The following ADGRL4 variants were observed in gnomAD, a reference collection of about 807,000 sequenced individuals.
ADGRL4 encodes the protein adhesion G protein-coupled receptor L4, also known as EGF, latrophilin and seven transmembrane domain containing 1.
In ADGRL4, 90 loss-of-function variants were observed where a neutral mutation model predicts 74.8. The observed-to-expected ratio is 1.20, with a 90% CI of 1.02 to 1.43. The LOEUF (loss-of-function observed/expected upper bound fraction) is 1.43. Among genes scored for constraint, ADGRL4 ranks in the 40% most tolerant of loss-of-function variants. The pLI, the probability that ADGRL4 is intolerant of heterozygous loss-of-function variation, is 0.00. For synonymous variants in ADGRL4, 311 were observed against 279.2 expected (o/e 1.11, Z -1.14); for missense variants, 881 against 814.3 (o/e 1.08, Z -1.00).
At chr1:78,946,120 T>C (rs1649595469) in intron 3 of ADGRL4, among the ~76,000 whole-genome samples, 154 bp downstream of exon 3, 1 of 152,156 alleles carries the variant, frequency 6.6e-6, no homozygotes, top group Admixed American at 6.6e-5. Context: ...TTTAAAACAC[T>C]GGAGAAATAA....
intron 2 of ADGRL4, among the ~76,000 whole-genome samples, chr1:78,991,762 A>G (rs562604766): frequency 4.0e-4 from 61 of 152,112 alleles, no homozygotes; most frequent in African/African-American, 1.4e-3. Context: ...TTGCTATTCA[A>G]TAGAAGGAGA....
intron 2 of ADGRL4, among the ~76,000 whole-genome samples, chr1:78,978,884 C>T (rs1313793810): frequency 6.6e-6 from 1 of 151,792 alleles, no homozygotes; most frequent in Non-Finnish European, 1.5e-5. Context: ...CTTCTTTGTC[C>T]TAACATCCTA....
chr1:78,914,454 T>G (rs1648828542), intron 12 of ADGRL4, among the ~76,000 whole-genome samples: 1 of 151,842 alleles, frequency 6.6e-6, no homozygotes, highest in Non-Finnish European at 1.5e-5. Context: ...AGCAGGATAT[T>G]CTAAAGCATA....
intron 2 of ADGRL4, among the ~76,000 whole-genome samples, chr1:78,954,149 AAAAT>A (rs562969021): frequency 3.0e-4 from 44 of 145,798 alleles, no homozygotes; most frequent in African/African-American, 1.0e-3. Context: ...TCCATTTCAG[AAAAT>A]AAATAAATAA....
At chr1:78,993,074 G>C (rs908211141) in intron 2 of ADGRL4, among the ~76,000 whole-genome samples, 1 of 152,004 alleles carries the variant, frequency 6.6e-6, no homozygotes, top group Non-Finnish European at 1.5e-5. Context: ...CTAGAAGAAA[G>C]TAACACTTAA....
At chr1:78,939,669 T>C (rs1444556872) in intron 3 of ADGRL4, 1 of 153,092 alleles carries the variant, frequency 6.5e-6, no homozygotes, top group African/African-American at 2.4e-5. Context: ...AGCGCCATCA[T>C]TATGTGTGAA....
intron 7 of ADGRL4, among the ~76,000 whole-genome samples, chr1:78,933,288 T>A (rs1055201559): frequency 6.6e-6 from 1 of 151,392 alleles, no homozygotes; most frequent in Non-Finnish European, 1.5e-5. Context: ...CACAAATCAA[T>A]AAATGTAATC....
At chr1:78,966,094 CATAAAT>C (rs1650050558) in intron 2 of ADGRL4, among the ~76,000 whole-genome samples, 1 of 151,854 alleles carries the variant, frequency 6.6e-6, no homozygotes, top group Non-Finnish European at 1.5e-5. Context: ...GCTACAGAGT[CATAAAT>C]ATAAAGTTTG....
intron 2 of ADGRL4, among the ~76,000 whole-genome samples, chr1:78,988,308 G>A (rs531583938): frequency 6.6e-6 from 1 of 151,774 alleles, no homozygotes; most frequent in African/African-American, 2.4e-5. Context: ...TTCTCCCTCT[G>A]GCCAAGAGTT....
intron 3 of ADGRL4, among the ~76,000 whole-genome samples, chr1:78,941,393 C>G (rs765020797): frequency 3.3e-5 from 5 of 152,060 alleles, no homozygotes; most frequent in Admixed American, 6.5e-5. Context: ...GGAAAACACC[C>G]CAATGAAAGT....
intron 2 of ADGRL4, among the ~76,000 whole-genome samples, chr1:79,001,864 A>G (rs1370289268): frequency 6.6e-6 from 1 of 152,128 alleles, no homozygotes; most frequent in Non-Finnish European, 1.5e-5. Context: ...GTATTTTATC[A>G]TAGAGGAAAA....
chr1:78,907,352 T>A (rs561268600), intron 12 of ADGRL4, among the ~76,000 whole-genome samples: 1 of 152,066 alleles, frequency 6.6e-6, no homozygotes. Flanking sequence ...CATTTCTGAG[T>A]AACTTTTCAT....
intron 8 of ADGRL4, among the ~76,000 whole-genome samples, chr1:78,923,148 T>C (rs941263634): frequency 8.6e-5 from 13 of 152,012 alleles, no homozygotes; most frequent in African/African-American, 2.9e-4. Context: ...TAAAAGAGCC[T>C]GGGAAGGGCC....
rs769722549 is a variant in ADGRL4, at chr1:78,920,248, G to A, written c.1396C>T (p.Leu466Phe). 6.2e-7 allele frequency: 1 copy of A among 1,612,090 alleles called. No individual in the cohort carries two copies. Among genetic ancestry groups the A allele is most frequent in the Non-Finnish European group, 8.5e-7 (1 of 1,178,856 alleles). ...QSTRTTIHKN[L>F]CCSLFLAELV... ...TCAGCAAGAAATAGGCTACAGCAAAGATTTTTGTGAATTGTTGTCCTGGTG... is the reference window on the plus strand; with the variant it reads ...TCAGCAAGAAATAGGCTACAGCAAAAATTTTTGTGAATTGTTGTCCTGGTG... The change falls in exon 10 of 15, where the codon CTT becomes TTT. Residue 466 changes from leucine (L) to phenylalanine (F), a missense_variant. Leu to Phe is a conservative substitution (Grantham distance 22). Transcript: ENST00000370742.
intron 2 of ADGRL4, among the ~76,000 whole-genome samples, chr1:78,959,876 C>G (rs1250499776): frequency 6.6e-6 from 1 of 152,014 alleles, no homozygotes; most frequent in Non-Finnish European, 1.5e-5. Context: ...GATATTAAGT[C>G]TAAGGTTCAG....
rs983050295 is a variant in ADGRL4, at chr1:78,936,216, A to G, written c.877+79T>C. 11 of 1,435,596 alleles carry G rather than the reference A, an allele frequency of 7.7e-6. 1 individual carries two copies. Among genetic ancestry groups the G allele is most frequent in the African/African-American group, 4.3e-5 (3 of 69,282 alleles). 88.9% of individuals were successfully genotyped at this position (1,435,596 alleles called of 1,614,324 possible). On this transcript the variant is annotated intron_variant, in intron 7 of 14. Transcript: ENST00000370742. ...ATAGGAAACCACATGTTACATGTAC[A>G]TATGACATAATCAAATGCATGATAA...
At chr1:78,962,883 T>G (rs1202454146) in intron 2 of ADGRL4, among the ~76,000 whole-genome samples, 1 of 152,052 alleles carries the variant, frequency 6.6e-6, no homozygotes, top group Non-Finnish European at 1.5e-5. Flanking sequence ...TAGGATAAAA[T>G]AGGGTGCCAA....
chr1:78,971,465 A>AG (rs1171974833), intron 2 of ADGRL4, among the ~76,000 whole-genome samples: 2 of 152,026 alleles, frequency 1.3e-5, no homozygotes, highest in Non-Finnish European at 2.9e-5. Flanking sequence ...CACCCTTTGC[A>AG]GGGGGGAAAA....
intron 2 of ADGRL4, among the ~76,000 whole-genome samples, chr1:78,974,058 C>G (rs1254870804): frequency 6.6e-6 from 1 of 152,164 alleles, no homozygotes; most frequent in African/African-American, 2.4e-5. Context: ...TCCAGCACCC[C>G]ACGCAAGCCT....
Sources: gnomAD v4.1 joint callset for allele counts (sites outside exome capture counted in the v4.1 genomes callset) on GRCh38, gnomAD v4.1.1 for gene constraint, MANE v1.5 for transcripts, NCBI Gene and HGNC (gene_info 2026-07-23, HGNC 2026-07-21) for gene names.